GPHN: variants seen among roughly 807,000 people sequenced by gnomAD.
The protein encoded by GPHN is gephyrin.
GPHN carries 17 observed loss-of-function variants against 95.5 expected under a neutral mutation model. That is an observed-to-expected ratio of 0.18 (90% CI 0.12 to 0.27). The LOEUF (loss-of-function observed/expected upper bound fraction) is 0.27, where lower values mean the gene tolerates loss of function less well. Ranked by LOEUF, GPHN falls within the 10% of genes least tolerant of loss-of-function variation. The pLI is 1.00. For synonymous variants in GPHN, 320 were observed against 322.5 expected, an observed-to-expected ratio of 0.99 and a Z score of 0.08; for missense variants, 660 against 978.1, an observed-to-expected ratio of 0.67 and a Z score of 4.34.
the GPHN span, among the ~76,000 whole-genome samples, chr14:67,332,356 C>T: frequency 6.6e-6 from 1 of 152,228 alleles, no homozygotes; most frequent in East Asian, 1.9e-4. Flanking sequence ...TTACTAGAGC[C>T]AAAAGTAAAT....
the GPHN span, among the ~76,000 whole-genome samples, chr14:67,547,830 A>T: frequency 6.6e-6 from 1 of 152,226 alleles, no homozygotes; most frequent in Non-Finnish European, 1.5e-5. Flanking sequence ...GAATTTTTTT[A>T]AAAAAGCAGA....
the GPHN span, among the ~76,000 whole-genome samples, chr14:67,462,767 T>C: frequency 1.3e-5 from 2 of 152,234 alleles, no homozygotes; most frequent in Non-Finnish European, 2.9e-5. Flanking sequence ...CAGGAGTTAT[T>C]GGACAGTCTG....
intron 2 of GPHN, among the ~76,000 whole-genome samples, chr14:66,721,951 CAAAAAA>C (rs35174343): frequency 0.077 from 4,654 of 60,070 alleles, 107 homozygotes; most frequent in Middle Eastern, 0.2. Flanking sequence ...AACTCTGTCT[CAAAAAA>C]AAAAAAAAAA....
the GPHN span, chr14:67,335,303 G>C: frequency 1.3e-5 from 2 of 152,198 alleles, no homozygotes; most frequent in Admixed American, 1.3e-4. Context: ...ATGGAAAAAA[G>C]CCTTGCTGTA....
At chr14:66,873,243 C>T (rs1015320261) in intron 4 of GPHN, among the ~76,000 whole-genome samples, 6 of 152,208 alleles carry the variant, frequency 3.9e-5, no homozygotes, top group Non-Finnish European at 8.8e-5. Context: ...AGATACTATG[C>T]TTTTCCCACA....
chr14:67,727,204 A>G, the GPHN span: 13 of 1,603,394 alleles, frequency 8.1e-6, no homozygotes, highest in African/African-American at 1.7e-4. Flanking sequence ...AGTCTGGAGA[A>G]AGAGGAATAG....
chr14:67,200,965 A>G, the GPHN span, among the ~76,000 whole-genome samples: 1 of 152,340 alleles, frequency 6.6e-6, no homozygotes, highest in East Asian at 1.9e-4. Context: ...GCAGCAAGTT[A>G]CCAAGATTCC....
chr14:67,259,822 G>A, the GPHN span, among the ~76,000 whole-genome samples: 7 of 151,258 alleles, frequency 4.6e-5, no homozygotes, highest in Non-Finnish European at 8.8e-5. Context: ...TGAAGCAGGA[G>A]GATTGCTTGA....
the GPHN span, chr14:67,649,297 G>A: frequency 6.6e-6 from 1 of 152,144 alleles, no homozygotes; most frequent in African/African-American, 2.4e-5. Flanking sequence ...CAAGGCAAGA[G>A]GATTACTTGA....
the GPHN span, among the ~76,000 whole-genome samples, chr14:67,347,916 CT>C: frequency 0.36 from 52,880 of 145,980 alleles, 9,796 homozygotes; most frequent in African/African-American, 0.49. Context: ...AACTTGCCTT[CT>C]TTTTTTTTTT....
chr14:67,047,768 C>G (rs2153640150), intron 10 of GPHN, among the ~76,000 whole-genome samples: 1 of 152,296 alleles, frequency 6.6e-6, no homozygotes, highest in South Asian at 2.1e-4. Flanking sequence ...TGAAACCAGT[C>G]TGAGCAACAT....
At chr14:67,457,229 A>G in the GPHN span, among the ~76,000 whole-genome samples, 1 of 152,170 alleles carries the variant, frequency 6.6e-6, no homozygotes, top group African/African-American at 2.4e-5. Context: ...ACCCTCAGAC[A>G]CTCAATTTAC....
the GPHN span, among the ~76,000 whole-genome samples, chr14:67,193,972 C>CA: frequency 0.012 from 1,112 of 95,218 alleles, 9 homozygotes; most frequent in African/African-American, 0.037. Flanking sequence ...AAACGAAAAA[C>CA]AAAAAAAAAA....
chr14:67,044,483 T>C (rs1202662569), intron 10 of GPHN, among the ~76,000 whole-genome samples: 1 of 152,228 alleles, frequency 6.6e-6, no homozygotes, highest in African/African-American at 2.4e-5. Flanking sequence ...CACCAATTTT[T>C]AGGAAGATGT....
chr14:66,932,337 C>T (rs1168216512), intron 8 of GPHN, among the ~76,000 whole-genome samples: 1 of 148,386 alleles, frequency 6.7e-6, no homozygotes, highest in Non-Finnish European at 1.5e-5. Flanking sequence ...CAGCCCAGTA[C>T]TGGGTCTTGC....
intron 10 of GPHN, among the ~76,000 whole-genome samples, chr14:67,033,839 TA>T (rs1051085522): frequency 1.3e-5 from 2 of 152,128 alleles, no homozygotes; most frequent in African/African-American, 4.8e-5. Context: ...AAGAGAAAAG[TA>T]ACTCATCATG....
At chr14:67,392,326 C>T in the GPHN span, 1 of 1,586,786 alleles carries the variant, frequency 6.3e-7, no homozygotes, top group African/African-American at 1.3e-5. Flanking sequence ...GCAGCCATAC[C>T]TGCTTGGCCA....
chr14:66,854,910 C>T (rs1027686641), intron 4 of GPHN, among the ~76,000 whole-genome samples: 7 of 150,998 alleles, frequency 4.6e-5, no homozygotes, highest in African/African-American at 1.5e-4. Context: ...TGCAGTGGCA[C>T]GATCTCAGCT....
chr14:67,722,276 T>G, the GPHN span: 1 of 362,266 alleles, frequency 2.8e-6, no homozygotes, highest in Non-Finnish European at 5.3e-6. Flanking sequence ...GCAGTAGAGG[T>G]GGCAGTGGTT....
Sources: allele counts gnomAD v4.1 joint callset (sites outside exome capture counted in the v4.1 genomes callset), GRCh38; gene constraint gnomAD v4.1.1; transcripts MANE v1.5; gene names NCBI Gene and HGNC (gene_info 2026-07-23, HGNC 2026-07-21).